Variants in GPR34 observed in about 807,000 individuals in gnomAD.
GPR34 encodes the protein probable G protein-coupled receptor 34.
A neutral mutation model predicts 14.1 loss-of-function variants in GPR34; 3 were observed. The observed-to-expected ratio is 0.21, with a 90% CI of 0.10 to 0.55. The LOEUF (loss-of-function observed/expected upper bound fraction) is 0.55. Ranked by LOEUF, GPR34 falls within the 20% of genes least tolerant of loss-of-function variation. The pLI, the probability that GPR34 is intolerant of heterozygous loss-of-function variation, is 0.94. For synonymous variants in GPR34, 99 were observed against 99.9 expected, an observed-to-expected ratio of 0.99 and a Z score of 0.05; for missense variants, 213 against 292.8, an observed-to-expected ratio of 0.73 and a Z score of 1.99.
intron 2 of GPR34, among the ~76,000 whole-genome samples, chrX:41,692,826 G>C (rs781103625): frequency 3.3e-4 from 37 of 111,846 alleles, no homozygotes; most frequent in African/African-American, 1.1e-3. Context: ...ACTAAAGATG[G>C]GTTTTTCGTT....
At chrX:41,691,265 T>C (rs2067551324) in intron 2 of GPR34, among the ~76,000 whole-genome samples, 1 of 111,592 alleles carries the variant, frequency 9.0e-6, no homozygotes, top group Admixed American at 9.5e-5. Flanking sequence ...GCTCTGTGGG[T>C]AGTGGCAATC....
At chrX:41,693,848 T>C (rs1569402092) in intron 2 of GPR34, among the ~76,000 whole-genome samples, 1 of 111,684 alleles carries the variant, frequency 9.0e-6, no homozygotes, top group African/African-American at 3.3e-5. Context: ...GTTCCTCTTC[T>C]GTGGAATCAA....
At chrX:41,691,374 G>A (rs751102862) in intron 2 of GPR34, among the ~76,000 whole-genome samples, 1 of 112,221 alleles carries the variant, frequency 8.9e-6, no homozygotes, top group South Asian at 3.7e-4. Context: ...AAGAAGTAAA[G>A]CTAGATGGCA....
Position 41,696,145 on chromosome X carries a change from G to C in GPR34, c.512G>C (p.Ser171Thr), listed in dbSNP as rs762559517. 3.3e-6 allele frequency: 4 copies of C among 1,205,626 alleles called. No homozygotes were observed. In the African/African-American group the frequency reaches 5.3e-5, roughly 16 times the overall value. ...CGGAAGGCAATAACAACCAAACAAA[G>C]TATTTATGTCTGTTGTATAGTATGG... is the stretch of plus-strand genomic sequence containing the variant. ...QQRKAITTKQ[S>T]IYVCCIVWML... The change falls in exon 3 of 3, where the codon AGT becomes ACT. Residue 171 changes from serine to threonine, a missense_variant. Physicochemically the swap from Ser to Thr is moderately conservative, Grantham distance 58 (BLOSUM62 1). Transcript: ENST00000378142.
intron 2 of GPR34, among the ~76,000 whole-genome samples, chrX:41,690,509 G>A (rs2067527521): frequency 9.5e-6 from 1 of 105,361 alleles, no homozygotes; most frequent in South Asian, 4.3e-4. Flanking sequence ...ACCACGCCCT[G>A]CTAATTTTTT....
At chrX:41,694,248 A>G (rs1278948790) in intron 2 of GPR34, among the ~76,000 whole-genome samples, 1 of 112,646 alleles carries the variant, frequency 8.9e-6, no homozygotes, top group Non-Finnish European at 1.9e-5. Context: ...AAACTAAGGC[A>G]TAGAAAAGAT....
intron 2 of GPR34, among the ~76,000 whole-genome samples, chrX:41,693,545 C>T (rs192911830): frequency 2.9e-3 from 328 of 111,298 alleles, no homozygotes; most frequent in African/African-American, 0.01. Context: ...AGCCAGGGGG[C>T]GGAGGTTGCA....
Position 41,695,536 on chromosome X carries a change from G to A in GPR34, c.-79-19G>A. On this transcript the variant is annotated intron_variant, in intron 2 of 2. Coordinates refer to ENST00000378142, the MANE Select transcript of GPR34 (RefSeq NM_001097579.2). ...TTATTAAAATAGCAAATGACTCAAT[G>A]TTTGGCATTCCGTTGTAGGAAAAAT... 1 of 549,881 alleles carries A rather than the reference G, an allele frequency of 1.8e-6. No homozygotes were observed. The highest frequency in any genetic ancestry group is 3.0e-6 in the Non-Finnish European group (1 of 328,976). 45.3% of individuals were successfully genotyped at this position (549,881 alleles called of 1,213,427 possible).
In GPR34 at chrX:41,695,965, T is replaced by A; in HGVS notation, c.332T>A (p.Ile111Lys). Reference sequence around the variant, plus strand: ...CTCATCTTCTGCCTCCCTTTCCGAATAATGTATCATATTAACCAAAACAAG... The same window carrying A: ...CTCATCTTCTGCCTCCCTTTCCGAAAAATGTATCATATTAACCAAAACAAG... ...LLLIFCLPFRIMYHINQNKWT... is the reference protein window; with the variant it reads ...LLLIFCLPFRKMYHINQNKWT... The change falls in exon 3 of 3, where the codon ATA (isoleucine) becomes AAA (lysine). Residue 111 changes from isoleucine (I) to lysine (K), a missense_variant. Ile to Lys is a moderately radical substitution (Grantham distance 102). Coordinates refer to ENST00000378142, the MANE Select transcript of GPR34 (RefSeq NM_001097579.2). 8.3e-7 allele frequency: 1 copy of A among 1,206,025 alleles called. No individual in the cohort carries two copies. The highest frequency in any genetic ancestry group is 1.1e-6 in the Non-Finnish European group (1 of 890,583).
chrX:41,696,339 C>G lies in GPR34; in HGVS notation c.706C>G (p.Leu236Val). ...MFWLIFLLII[L>V]SYIKIGKNLL... ...CTGGCTAATTTTCTTACTAATAATC[C>G]TTTCATATATTAAGATTGGGAAGAA... is the stretch of plus-strand genomic sequence containing the variant. Residue 236 changes from leucine to valine, a missense_variant, in exon 3 of 3, where the codon CTT (leucine) becomes GTT (valine). Physicochemically the swap from Leu to Val is conservative, Grantham distance 32. Transcript: ENST00000378142. The G allele has an allele frequency of 8.6e-7, 1 of 1,166,423 alleles. No individual in the cohort carries two copies.
chrX:41,690,004 C>T (rs1025649116), intron 2 of GPR34, among the ~76,000 whole-genome samples, 169 bp downstream of exon 2: 3 of 110,912 alleles, frequency 2.7e-5, no homozygotes, highest in African/African-American at 6.6e-5. Flanking sequence ...GGTGGTGGTG[C>T]GGGGGTACAA....
At chrX:41,689,272 T>A (rs144040174) in intron 1 of GPR34, among the ~76,000 whole-genome samples, 188 bp downstream of exon 1, 19 of 111,873 alleles carry the variant, frequency 1.7e-4, no homozygotes, top group African/African-American at 6.2e-4. Context: ...AATGAGACTG[T>A]CTTTTTAGTT....
At chrX:41,693,692 A>G (rs1602478433) in intron 2 of GPR34, among the ~76,000 whole-genome samples, 1 of 111,654 alleles carries the variant, frequency 9.0e-6, no homozygotes, top group Admixed American at 9.5e-5. Context: ...CTTTCTATAA[A>G]CTTTCTGAAA....
At chrX:41,691,089 A>T (rs1031268465) in intron 2 of GPR34, among the ~76,000 whole-genome samples, 1 of 112,613 alleles carries the variant, frequency 8.9e-6, no homozygotes, top group African/African-American at 3.2e-5. Flanking sequence ...TAAACTGAAG[A>T]CTAAAGCAAA....
chrX:41,694,572 C>G (rs1329460304), intron 2 of GPR34, among the ~76,000 whole-genome samples: 1 of 112,288 alleles, frequency 8.9e-6, no homozygotes, highest in Non-Finnish European at 1.9e-5. Flanking sequence ...ACCCAGGGCA[C>G]ATTTAAGCTT....
chrX:41,695,473 GC>G (rs1215869118), intron 2 of GPR34, 81 bp from the exon 3 acceptor site: 1 of 440,394 alleles, frequency 2.3e-6, no homozygotes, highest in Non-Finnish European at 4.0e-6. Flanking sequence ...GTGCTGGGAA[GC>G]CCAGCCTATT....
In GPR34 at chrX:41,690,497, C is replaced by A. The variant is rs1287402663; in HGVS notation, c.-80+662C>A. 1.4e-4 allele frequency among the ~76,000 whole-genome samples: 15 copies of A among 107,482 alleles called. No individual in the cohort carries two copies. The Admixed American group carries it at 1.5e-3, about 11-fold the overall frequency. 93.3% of individuals were successfully genotyped at this position (107,482 alleles called of 115,157 possible). A position where few individuals can be genotyped will look rare whatever the true frequency, so the allele number is the denominator to read the frequency against. On this transcript the variant is annotated intron_variant, in intron 2 of 2. Transcript: ENST00000378142. The stretch of plus-strand genomic sequence containing the variant: ...GAGTAGCTGGGACTACAGGTGCGTG[C>A]CACCACGCCCTGCTAATTTTTTTTT...
chrX:41,692,120 A>G (rs542796667), intron 2 of GPR34, among the ~76,000 whole-genome samples: 12 of 111,822 alleles, frequency 1.1e-4, no homozygotes, highest in Admixed American at 1.1e-3. Context: ...TGCAAGAATT[A>G]TGTAAAGGAA....
At chrX:41,691,566 G>A (rs2067559760) in intron 2 of GPR34, among the ~76,000 whole-genome samples, 1 of 110,906 alleles carries the variant, frequency 9.0e-6, no homozygotes, top group Admixed American at 9.6e-5. Context: ...TCATTTAAGA[G>A]TTGTGTGGCC....
Sources: allele counts gnomAD v4.1 joint callset (sites outside exome capture counted in the v4.1 genomes callset), GRCh38; gene constraint gnomAD v4.1.1; transcripts MANE v1.5; gene names NCBI Gene and HGNC (gene_info 2026-07-23, HGNC 2026-07-21).